The following KIAA1549 variants were observed in gnomAD, a reference collection of about 807,000 sequenced individuals.
The protein encoded by KIAA1549 is KIAA1549.
In KIAA1549, 70 loss-of-function variants were observed where a neutral mutation model predicts 156.4. The ratio of observed to expected loss-of-function variants is 0.45; its 90% CI spans 0.37 to 0.55. The LOEUF (loss-of-function observed/expected upper bound fraction) is 0.55, where lower values mean the gene tolerates loss of function less well. Among genes scored for constraint, KIAA1549 ranks in the 20% least tolerant of loss-of-function variants. The pLI is 0.00. For missense variants in KIAA1549, 2,428 were observed against 2,540.9 expected, an observed-to-expected ratio of 0.96 and a Z score of 0.96; for synonymous variants, 1,103 against 1,066.4, an observed-to-expected ratio of 1.03 and a Z score of -0.67.
At chr7:138,886,003 G>C (rs1053496231) in intron 10 of KIAA1549, among the ~76,000 whole-genome samples, 2 of 151,936 alleles carry the variant, frequency 1.3e-5, no homozygotes. Context: ...ACTGCTGCTT[G>C]GTGTGTGAGG....
intron 1 of KIAA1549, among the ~76,000 whole-genome samples, chr7:138,924,823 C>T (rs919263580): frequency 6.6e-6 from 1 of 152,114 alleles, no homozygotes; most frequent in Non-Finnish European, 1.5e-5. Flanking sequence ...CCCTGGAGAT[C>T]AATTTTCAAG....
intron 1 of KIAA1549, among the ~76,000 whole-genome samples, chr7:138,945,947 T>C (rs955730383): frequency 1.5e-4 from 23 of 152,028 alleles, no homozygotes; most frequent in African/African-American, 4.1e-4. Flanking sequence ...ATGTCCACAA[T>C]TGAGGCCAAC....
At chr7:138,894,310 T>C in intron 10 of KIAA1549, 32 bp downstream of exon 10, 2 of 1,611,020 alleles carry the variant, frequency 1.2e-6, no homozygotes, top group Middle Eastern at 1.7e-4. Flanking sequence ...AAACTGCTTA[T>C]AGGAACACTG....
At chr7:138,956,229 A>G (rs1410425582) in intron 1 of KIAA1549, among the ~76,000 whole-genome samples, 1 of 152,196 alleles carries the variant, frequency 6.6e-6, no homozygotes, top group Non-Finnish European at 1.5e-5. Context: ...TGGAATGAAG[A>G]TGTAGTTCCA....
Position 138,836,652 on chromosome 7 carries a change from T to G in KIAA1549, c.*1254A>C, listed in dbSNP as rs1809716123. 4.6e-6 allele frequency: 1 copy of G among 218,976 alleles called. No homozygotes were observed. Among genetic ancestry groups the G allele is most frequent in the Non-Finnish European group, 9.2e-6 (1 of 109,070 alleles). 13.6% of individuals were successfully genotyped at this position (218,976 alleles called of 1,614,324 possible). On this transcript the variant is annotated 3_prime_UTR_variant, in exon 20 of 20. Coordinates refer to ENST00000422774, the MANE Select transcript of KIAA1549 (RefSeq NM_001164665.2). ...GTGGGGGAAATGTTTACATCAGGAG[T>G]ACATCTTAAGCGAGATGATCCCCTC... is the stretch of plus-strand genomic sequence containing the variant.
At position 138,899,169 on chromosome 7, in the gene KIAA1549, T is replaced by C. The variant is rs755157032; in HGVS notation, c.3670-37A>G. On this transcript the variant is annotated intron_variant, in intron 8 of 19. Coordinates refer to ENST00000422774, the MANE Select transcript of KIAA1549 (RefSeq NM_001164665.2). ...CAGAAACCATTCACATTGCAGAAGC[T>C]CATGTTTCTAGATGCCCTCTCTCAG... is the stretch of plus-strand genomic sequence containing the variant. The C allele has an allele frequency of 1.9e-6, 3 of 1,593,030 alleles. No individual in the cohort carries two copies. In the South Asian group the frequency reaches 3.3e-5, roughly 18 times the overall value.
Position 138,879,510 on chromosome 7 carries a change from A to C in KIAA1549, c.4345+28T>G, listed in dbSNP as rs116275917. 1,705 of 1,416,568 alleles carry C rather than the reference A, an allele frequency of 1.2e-3. 14 individuals are homozygous for C. In the African/African-American group the frequency reaches 0.021, roughly 17 times the overall value. 87.7% of individuals were successfully genotyped at this position (1,416,568 alleles called of 1,614,324 possible). On this transcript the variant is annotated intron_variant, in intron 12 of 19. Coordinates refer to ENST00000422774, the MANE Select transcript of KIAA1549 (RefSeq NM_001164665.2). ...TTGGACTCTCATAGGGACTACTTTTAATGGGAAGAACCAGAAGAGTCACAG... is the reference window on the plus strand; with the variant it reads ...TTGGACTCTCATAGGGACTACTTTTCATGGGAAGAACCAGAAGAGTCACAG...
rs376436908 is a variant in KIAA1549, at chr7:138,948,351, C to T, written c.188-28913G>A. Among the ~76,000 whole-genome samples the T allele has an allele frequency of 2.1e-4, 32 of 152,208 alleles. No individual in the cohort carries two copies. In the East Asian group the frequency reaches 2.1e-3, roughly 10 times the overall value. ...AGACAGCCATGTGGCTGGGGTGAAG[C>T]GGCTACAGGCCAAGGAGTGCCCAGG... is the stretch of plus-strand genomic sequence containing the variant. On this transcript the variant is annotated intron_variant, in intron 1 of 19. Transcript: ENST00000422774.
intron 6 of KIAA1549, among the ~76,000 whole-genome samples, chr7:138,905,366 CA>C (rs1343724066): frequency 1.3e-5 from 2 of 152,240 alleles, no homozygotes; most frequent in Non-Finnish European, 2.9e-5. Flanking sequence ...TGTTCCACAG[CA>C]ATCCATGTTC....
At position 138,834,983 on chromosome 7, in the gene KIAA1549, A is replaced by C. The variant is rs539226063; in HGVS notation, c.*2923T>G. On this transcript the variant is annotated 3_prime_UTR_variant, in exon 20 of 20. Transcript: ENST00000422774. ...ACAAAGTAGTCTCTGAAAAAAAAAA[A>C]AACAACATTTCTCCAAACATTCTGA... 30 of 229,392 alleles carry C rather than the reference A, an allele frequency of 1.3e-4. No individual in the cohort carries two copies. Among genetic ancestry groups the C allele is most frequent in the East Asian group, 1.2e-3 (19 of 16,012 alleles). The allele number at this position is 229,392 out of a possible 1,614,324, so 14.2% of individuals were successfully genotyped here.
chr7:138,961,405 C>G (rs965544925), intron 1 of KIAA1549, among the ~76,000 whole-genome samples: 2 of 152,126 alleles, frequency 1.3e-5, no homozygotes, highest in African/African-American at 4.8e-5. Context: ...TAGGCTCCTA[C>G]CGTGGGCTGA....
rs1563039449 is a variant in KIAA1549, at chr7:138,832,190, C to CTTTTTTTTT, written c.*5715_*5716insAAAAAAAAA. 48 of 169,994 alleles carry CTTTTTTTTT rather than the reference C, an allele frequency of 2.8e-4. No homozygotes were observed. The highest frequency in any genetic ancestry group is 4.0e-4 in the Admixed American group (5 of 12,478). The allele number at this position is 169,994 out of a possible 1,614,324, so 10.5% of individuals were successfully genotyped here. On this transcript the variant is annotated 3_prime_UTR_variant, in exon 20 of 20. Coordinates refer to ENST00000422774, the MANE Select transcript of KIAA1549 (RefSeq NM_001164665.2). ...TTCACCTCTGTCCCTTTTACCTATT[C>CTTTTTTTTT]CTTTTTTTTTTTTTTTTTTTTCCAG...
chr7:138,911,812 G>C (rs181768709), intron 3 of KIAA1549, among the ~76,000 whole-genome samples: 25 of 152,178 alleles, frequency 1.6e-4, no homozygotes, highest in Non-Finnish European at 2.9e-4. Flanking sequence ...CATTTTTCAA[G>C]TCTGGTATGT....
At chr7:138,892,569 A>T (rs1296220843) in intron 10 of KIAA1549, among the ~76,000 whole-genome samples, 1 of 152,240 alleles carries the variant, frequency 6.6e-6, no homozygotes, top group African/African-American at 2.4e-5. Flanking sequence ...GAACCTTAGC[A>T]GACTGTGTAA....
At chr7:138,864,231 A>G (rs373933865) in intron 15 of KIAA1549, among the ~76,000 whole-genome samples, 1 of 152,234 alleles carries the variant, frequency 6.6e-6, no homozygotes, top group African/African-American at 2.4e-5. Context: ...ACTGTGGGAA[A>G]CGATCTCAGA....
intron 10 of KIAA1549, among the ~76,000 whole-genome samples, chr7:138,886,588 T>C (rs1367172250): frequency 2.0e-5 from 3 of 152,070 alleles, no homozygotes; most frequent in Admixed American, 1.3e-4. Context: ...TAAGATCTTT[T>C]ATAAGCTGAA....
chr7:138,961,196 C>T (rs980710842), intron 1 of KIAA1549, among the ~76,000 whole-genome samples: 1 of 152,192 alleles, frequency 6.6e-6, no homozygotes, highest in Non-Finnish European at 1.5e-5. Flanking sequence ...CTGTTGTCCT[C>T]GGAGCAGTCT....
intron 19 of KIAA1549, among the ~76,000 whole-genome samples, chr7:138,838,995 C>T (rs776064458): frequency 2.0e-5 from 3 of 152,090 alleles, no homozygotes; most frequent in Non-Finnish European, 4.4e-5. Context: ...TGAGACCTTG[C>T]CTCCATTTTT....
chr7:138,957,740 A>G (rs182879850), intron 1 of KIAA1549, among the ~76,000 whole-genome samples: 188 of 152,122 alleles, frequency 1.2e-3, no homozygotes, highest in African/African-American at 4.2e-3. Flanking sequence ...AGCCTCCCAA[A>G]GTGCTGAGAT....
Sources: allele counts gnomAD v4.1 joint callset (sites outside exome capture counted in the v4.1 genomes callset), GRCh38; gene constraint gnomAD v4.1.1; transcripts MANE v1.5; gene names NCBI Gene and HGNC (gene_info 2026-07-23, HGNC 2026-07-21).